The following CGGBP1 variants were observed in gnomAD, a reference collection of about 807,000 sequenced individuals.
CGGBP1 encodes CGG triplet repeat-binding protein 1.
Under a neutral mutation model 11.4 loss-of-function variants are expected in CGGBP1, and 4 were observed. That is an observed-to-expected ratio of 0.35 (90% confidence interval 0.17 to 0.80). CGGBP1 has a LOEUF of 0.80. CGGBP1 is among the 30% of genes least tolerant of loss of function. The probability of loss-of-function intolerance (pLI) is 0.52; values close to 1 mark genes in which losing one functional copy is unlikely to be tolerated. For synonymous variants in CGGBP1, 76 were observed against 74.1 expected (o/e 1.03, Z -0.13); for missense variants, 135 against 202.1 (o/e 0.67, Z 2.01).
exon 1 of CGGBP1, chr3:88,149,863 C>T: frequency 1.6e-6 from 1 of 641,940 alleles, no homozygotes; most frequent in Non-Finnish European, 2.7e-6. Flanking sequence ...CAGCCCGGAA[C>T]CACAAGTGAG....
chr3:88,121,608 G>T (rs1705771861), intron 2 of CGGBP1, among the ~76,000 whole-genome samples: 1 of 152,048 alleles, frequency 6.6e-6, no homozygotes, highest in South Asian at 2.1e-4. Flanking sequence ...TTGCCTTTTT[G>T]TAAAGGAAAA....
chr3:88,083,024 CCCTCCTCACTCCT>C (rs1480637213), intron 2 of CGGBP1, among the ~76,000 whole-genome samples: 6 of 151,694 alleles, frequency 4.0e-5, no homozygotes, highest in East Asian at 1.9e-4. Context: ...TCCTCCCTCC[CCCTCCTCACTCCT>C]CCTCACTCCT....
chr3:88,090,450 AT>A (rs1165278406), intron 2 of CGGBP1, among the ~76,000 whole-genome samples: 1 of 152,146 alleles, frequency 6.6e-6, no homozygotes, highest in East Asian at 1.9e-4. Flanking sequence ...TAAAGAGAAA[AT>A]ATTTTTATAC....
chr3:88,070,737 T>C (rs532636465), intron 2 of CGGBP1, among the ~76,000 whole-genome samples: 1 of 152,294 alleles, frequency 6.6e-6, no homozygotes, highest in South Asian at 2.1e-4. Flanking sequence ...TGTCAGTTCC[T>C]GTCCTAGATT....
chr3:88,062,795 AAG>A (rs766987180), upstream of CGGBP1, among the ~76,000 whole-genome samples: 8 of 152,226 alleles, frequency 5.3e-5, no homozygotes, highest in Non-Finnish European at 1.0e-4. Flanking sequence ...TGAATATAAA[AAG>A]AGAGAAGAAT....
At chr3:88,071,791 T>TGA (rs1297183013) in intron 2 of CGGBP1, among the ~76,000 whole-genome samples, 1 of 151,954 alleles carries the variant, frequency 6.6e-6, no homozygotes. Context: ...GCGACAAGAG[T>TGA]GAGACTCCGT....
At chr3:88,102,557 A>G (rs1388700219) in intron 2 of CGGBP1, among the ~76,000 whole-genome samples, 7 of 152,256 alleles carry the variant, frequency 4.6e-5, no homozygotes, top group South Asian at 4.1e-4. Flanking sequence ...TCTTTTCTCT[A>G]TCACTGGGAT....
upstream of CGGBP1, among the ~76,000 whole-genome samples, chr3:88,060,435 GGTTT>G (rs1376130468): frequency 6.6e-6 from 1 of 152,096 alleles, no homozygotes; most frequent in Non-Finnish European, 1.5e-5. Context: ...TAATTTAAAC[GGTTT>G]GTTCCCATTC....
intron 2 of CGGBP1, among the ~76,000 whole-genome samples, chr3:88,092,681 T>C (rs1424639685): frequency 2.6e-5 from 4 of 152,220 alleles, no homozygotes; most frequent in Admixed American, 2.6e-4. Context: ...ATGAAGTTTA[T>C]TAAATAATGT....
At chr3:88,107,229 C>T (rs1202251375) in intron 2 of CGGBP1, among the ~76,000 whole-genome samples, 7 of 152,288 alleles carry the variant, frequency 4.6e-5, no homozygotes, top group East Asian at 1.9e-4. Flanking sequence ...GGAACACTAA[C>T]GCTGAATGAA....
chr3:88,127,186 A>G lies in CGGBP1; in HGVS notation c.-229+13784T>C, dbSNP rs137875651. Among the ~76,000 whole-genome samples, 393 of 152,246 alleles carry G rather than the reference A, an allele frequency of 2.6e-3. 1 individual carries two copies. Among genetic ancestry groups the G allele is most frequent in the African/African-American group, 8.9e-3 (369 of 41,564 alleles). On this transcript the variant is annotated intron_variant, in intron 2 of 3. Coordinates refer to the CGGBP1 transcript ENST00000462901. ...AAGGGGAAAAAAACAAGACCTCCCA[A>G]CCCTGGAACCAGTTAGACCTTGGTT... is the stretch of plus-strand genomic sequence containing the variant.
rs77106967 is a variant in CGGBP1 at position 88,093,048 on chromosome 3, C to T, written c.-228-34825G>A. 3.0e-4 allele frequency among the ~76,000 whole-genome samples: 46 copies of T among 152,288 alleles called. No individual in the cohort carries two copies. The East Asian group carries it at 8.9e-3, about 29-fold the overall frequency. ...TTCTGTCTAACTTTACCTGGGTTGA[C>T]TATCCTTATAAGATGTATTTTCTGA... On this transcript the variant is annotated intron_variant, in intron 2 of 3. Coordinates refer to the CGGBP1 transcript ENST00000462901.
At position 88,115,247 on chromosome 3, in the gene CGGBP1, G is replaced by GT. The variant is rs545390824; in HGVS notation, c.-229+25722_-229+25723insA. Among the ~76,000 whole-genome samples, 674 of 152,238 alleles carry GT rather than the reference G, an allele frequency of 4.4e-3. 7 individuals are homozygous for GT. The highest frequency in any genetic ancestry group is 0.015 in the African/African-American group (641 of 41,536). On this transcript the variant is annotated intron_variant, in intron 2 of 3. Coordinates refer to the CGGBP1 transcript ENST00000462901. ...CCCTGAACCACACTTTGAATACCAA[G>GT]GTATTCTTTGTTGGATTTGAGTTAA...
intron 2 of CGGBP1, among the ~76,000 whole-genome samples, chr3:88,087,755 T>C (rs1256974899): frequency 6.6e-6 from 1 of 152,160 alleles, no homozygotes; most frequent in Non-Finnish European, 1.5e-5. Context: ...GAAACATTTA[T>C]TTAGGGGAGA....
At chr3:88,140,792 A>G in intron 2 of CGGBP1, 6 of 1,613,748 alleles carry the variant, frequency 3.7e-6, no homozygotes, top group Non-Finnish European at 5.1e-6. Context: ...CATATGGCTT[A>G]ATTTTAACAA....
intron 2 of CGGBP1, among the ~76,000 whole-genome samples, chr3:88,128,551 T>A (rs191017443): frequency 8.8e-4 from 134 of 152,220 alleles, no homozygotes; most frequent in Middle Eastern, 6.8e-3. Context: ...AATTTTTTTT[T>A]AAATTTTGTT....
intron 2 of CGGBP1, chr3:88,129,065 A>AT (rs1706282490): frequency 7.5e-7 from 1 of 1,330,162 alleles, no homozygotes; most frequent in African/African-American, 1.5e-5. Context: ...CCAAAAAAAA[A>AT]CCAAAAAAAA....
At chr3:88,100,606 T>C (rs1198780310) in intron 2 of CGGBP1, among the ~76,000 whole-genome samples, 1 of 152,194 alleles carries the variant, frequency 6.6e-6, no homozygotes, top group Non-Finnish European at 1.5e-5. Context: ...GTGGCACATA[T>C]ACACCATGGA....
intron 2 of CGGBP1, among the ~76,000 whole-genome samples, chr3:88,131,932 T>G (rs4337654): frequency 6.6e-6 from 1 of 151,900 alleles, no homozygotes; most frequent in African/African-American, 2.4e-5. Flanking sequence ...TCTGTGTGAA[T>G]AGAACCAGAT....
Sources: gnomAD v4.1 joint callset for allele counts (sites outside exome capture counted in the v4.1 genomes callset) on GRCh38, gnomAD v4.1.1 for gene constraint, MANE v1.5 for transcripts, NCBI Gene and HGNC (gene_info 2026-07-23, HGNC 2026-07-21) for gene names.